STAG1: variants seen among roughly 807,000 people sequenced by gnomAD.
STAG1 encodes the protein STAG1 cohesin complex component, also known as cohesin subunit SA-1.
A neutral mutation model predicts 170.9 loss-of-function variants in STAG1; 26 were observed. The observed-to-expected ratio is 0.15, with a 90% confidence interval of 0.11 to 0.21. The LOEUF (loss-of-function observed/expected upper bound fraction) is 0.21. STAG1 is among the 10% of genes least tolerant of loss of function. STAG1 has a pLI of 1.00. For synonymous variants in STAG1, 514 were observed against 497.7 expected (o/e 1.03, Z -0.44); for missense variants, 964 against 1,509.5 (o/e 0.64, Z 5.99).
intron 16 of STAG1, among the ~76,000 whole-genome samples, chr3:136,427,284 C>T (rs1393713124): frequency 6.6e-6 from 1 of 151,888 alleles, no homozygotes; most frequent in African/African-American, 2.4e-5. Flanking sequence ...AACTTTAGCA[C>T]ACATTCTACT....
At chr3:136,646,911 G>GA (rs909772114) in intron 1 of STAG1, among the ~76,000 whole-genome samples, 39 of 151,512 alleles carry the variant, frequency 2.6e-4, no homozygotes, top group Non-Finnish European at 4.9e-4. Flanking sequence ...GACTCCATCT[G>GA]AAAAAAATAT....
At chr3:136,375,113 T>C (rs182219535) in intron 23 of STAG1, among the ~76,000 whole-genome samples, 98 of 152,344 alleles carry the variant, frequency 6.4e-4, no homozygotes, top group African/African-American at 2.3e-3. Context: ...ATGATGGTCA[T>C]ACAATGATGA....
intron 2 of STAG1, among the ~76,000 whole-genome samples, chr3:136,629,128 T>C (rs1940222104): frequency 6.6e-6 from 1 of 152,196 alleles, no homozygotes; most frequent in Non-Finnish European, 1.5e-5. Flanking sequence ...ATATATTAGA[T>C]ATAATGTCAA....
intron 1 of STAG1, among the ~76,000 whole-genome samples, chr3:136,682,526 T>C (rs1362379350): frequency 6.6e-6 from 1 of 151,516 alleles, no homozygotes; most frequent in African/African-American, 2.4e-5. Context: ...ACACTTTTTA[T>C]AACCAATAAA....
intron 8 of STAG1, among the ~76,000 whole-genome samples, chr3:136,500,825 C>T (rs1933426128): frequency 6.6e-6 from 1 of 152,126 alleles, no homozygotes; most frequent in Non-Finnish European, 1.5e-5. Context: ...TGGTGAAGTA[C>T]AGTAACAAAA....
intron 12 of STAG1, among the ~76,000 whole-genome samples, chr3:136,467,471 T>G (rs1482609112): frequency 6.6e-6 from 1 of 152,132 alleles, no homozygotes; most frequent in Non-Finnish European, 1.5e-5. Context: ...ATCCTAAATA[T>G]ATATGCACCC....
At chr3:136,547,774 T>G (rs1393007950) in intron 5 of STAG1, among the ~76,000 whole-genome samples, 2 of 152,240 alleles carry the variant, frequency 1.3e-5, no homozygotes, top group Admixed American at 6.5e-5. Flanking sequence ...GTTATTCCCA[T>G]GAATTCATTG....
chr3:136,380,883 G>T (rs1937917431), intron 22 of STAG1, among the ~76,000 whole-genome samples: 1 of 151,770 alleles, frequency 6.6e-6, no homozygotes. Context: ...AGCCGGGCGT[G>T]GTGGTGGGTG....
intron 3 of STAG1, among the ~76,000 whole-genome samples, chr3:136,621,234 T>C (rs1360279623): frequency 6.6e-6 from 1 of 152,178 alleles, no homozygotes; most frequent in Non-Finnish European, 1.5e-5. Flanking sequence ...GGGTGGTAAA[T>C]TCTCTTTAGG....
intron 22 of STAG1, among the ~76,000 whole-genome samples, chr3:136,379,572 G>C (rs1937826117): frequency 1.3e-5 from 2 of 152,118 alleles, no homozygotes; most frequent in African/African-American, 4.8e-5. Context: ...AGCCGCGTGT[G>C]GTGGTGCATG....
chr3:136,532,587 C>T (rs1023526539), intron 6 of STAG1, among the ~76,000 whole-genome samples: 9 of 152,034 alleles, frequency 5.9e-5, no homozygotes, highest in Admixed American at 4.6e-4. Flanking sequence ...GCAAAATTTA[C>T]ATAAGGCATT....
At chr3:136,401,136 A>C (rs890879865) in intron 21 of STAG1, among the ~76,000 whole-genome samples, 4 of 152,178 alleles carry the variant, frequency 2.6e-5, no homozygotes, top group Non-Finnish European at 4.4e-5. Context: ...TAACATCTTG[A>C]TCTTATTGTA....
intron 1 of STAG1, among the ~76,000 whole-genome samples, chr3:136,668,248 T>C (rs1017637052): frequency 6.8e-6 from 1 of 147,614 alleles, no homozygotes; most frequent in African/African-American, 2.5e-5. Flanking sequence ...TATATATATA[T>C]AAAACACATT....
Position 136,656,617 on chromosome 3 carries a change from TTGTGTGTGTG to T in STAG1, c.-83-25646_-83-25637del, listed in dbSNP as rs71157397. Among the ~76,000 whole-genome samples the T allele has an allele frequency of 1.2e-3, 167 of 143,392 alleles. 1 individual carries two copies. The highest frequency in any genetic ancestry group is 2.7e-4 in the Non-Finnish European group (18 of 66,718). The allele number at this position is 143,392 out of a possible 152,430, so 94.1% of individuals were successfully genotyped here. On this transcript the variant is annotated intron_variant, in intron 1 of 33. Transcript: ENST00000383202. ...ATAAACGTGTGCTCTCTGTATTTAT[TTGTGTGTGTG>T]TGTGTGTGTGTGTGTGTGTATCAAA...
intron 32 of STAG1, 24 bp downstream of exon 32, chr3:136,340,466 AG>A (rs1291383211): frequency 6.7e-7 from 1 of 1,487,964 alleles, no homozygotes; most frequent in Admixed American, 1.7e-5. Flanking sequence ...TTTTAACAAA[AG>A]AAAAATATAG....
In STAG1 at chr3:136,466,292, G is replaced by A. The variant is rs543795593; in HGVS notation, c.1206-1304C>T. Among the ~76,000 whole-genome samples the A allele has an allele frequency of 3.3e-5, 5 of 152,258 alleles. No homozygotes were observed. In the South Asian group the frequency reaches 6.2e-4, roughly 19 times the overall value. On this transcript the variant is annotated intron_variant, in intron 12 of 33. Coordinates refer to ENST00000383202, the MANE Select transcript of STAG1 (RefSeq NM_005862.3). ...TGAATGGCTAACTAGAATAACCAGCGTAGAGAAGTCCTTAAATGACCTGAT... is the reference window on the plus strand; with the variant it reads ...TGAATGGCTAACTAGAATAACCAGCATAGAGAAGTCCTTAAATGACCTGAT...
intron 9 of STAG1, among the ~76,000 whole-genome samples, chr3:136,498,765 A>G (rs1933303802): frequency 6.6e-6 from 1 of 152,208 alleles, no homozygotes; most frequent in Non-Finnish European, 1.5e-5. Flanking sequence ...AAATATATCA[A>G]TAACATGTTA....
intron 13 of STAG1, among the ~76,000 whole-genome samples, chr3:136,459,232 AAAAAG>A (rs1164361119): frequency 7.9e-4 from 120 of 151,932 alleles, no homozygotes; most frequent in Non-Finnish European, 1.2e-3. Flanking sequence ...AAAAAAAAAA[AAAAAG>A]AAAAGAAAAG....
intron 21 of STAG1, among the ~76,000 whole-genome samples, chr3:136,411,823 G>C (rs1210966349): frequency 6.6e-6 from 1 of 151,986 alleles, no homozygotes; most frequent in Admixed American, 6.6e-5. Context: ...GTGGGTGCCT[G>C]TAATCCCAGC....
Sources: allele counts gnomAD v4.1 joint callset (sites outside exome capture counted in the v4.1 genomes callset), GRCh38; gene constraint gnomAD v4.1.1; transcripts MANE v1.5; gene names NCBI Gene and HGNC (gene_info 2026-07-23, HGNC 2026-07-21).